The following TBCD variants were observed in gnomAD, a reference collection of about 807,000 sequenced individuals.
TBCD encodes the protein tubulin-specific chaperone D.
In TBCD, 105 loss-of-function variants were observed where a neutral mutation model predicts 169.3. The observed-to-expected ratio is 0.62, with a 90% CI of 0.53 to 0.73. The LOEUF is 0.73. TBCD is among the 30% of genes least tolerant of loss of function. The pLI is 0.00. For synonymous variants in TBCD, 700 were observed against 643.9 expected, an observed-to-expected ratio of 1.09 and a Z score of -1.32; for missense variants, 1,444 against 1,600.1, an observed-to-expected ratio of 0.90 and a Z score of 1.66.
chr17:82,891,164 A>G (rs2059111040), intron 16 of TBCD, among the ~76,000 whole-genome samples: 1 of 152,240 alleles, frequency 6.6e-6, no homozygotes, highest in Non-Finnish European at 1.5e-5. Context: ...ATAGGGAGCC[A>G]CGGGGCCCTG....
chr17:82,932,907 C>T (rs749592384), intron 34 of TBCD, 172 bp downstream of exon 34: 21 of 635,282 alleles, frequency 3.3e-5, no homozygotes, highest in East Asian at 1.1e-4. Flanking sequence ...CTCAAAATAA[C>T]GCAATAATAA....
Position 82,832,705 on chromosome 17 carries a change from G to T in TBCD, c.1318+17771G>T, listed in dbSNP as rs952330553. 3.7e-6 allele frequency: 2 copies of T among 540,764 alleles called. No homozygotes were observed. The highest frequency in any genetic ancestry group is 6.3e-5 in the Admixed American group (2 of 31,864). 33.5% of individuals were successfully genotyped at this position (540,764 alleles called of 1,614,324 possible). A position where few individuals can be genotyped will look rare whatever the true frequency, so the allele number is the denominator to read the frequency against. On this transcript the variant is annotated intron_variant, in intron 13 of 38. Coordinates refer to ENST00000355528, the MANE Select transcript of TBCD (RefSeq NM_005993.5). The surrounding 1 kb of genome is among the most constrained non-coding windows in gnomAD (Gnocchi z 4.9). ...GTCGGCGAGAAGCCGGCCTCGGCTC[G>T]CCACAGTGCCACAGGATCCCTGAAG...
chr17:82,772,193 G>T (rs2048345607), intron 5 of TBCD, among the ~76,000 whole-genome samples: 1 of 152,182 alleles, frequency 6.6e-6, no homozygotes, highest in Non-Finnish European at 1.5e-5. Flanking sequence ...TCTTGCAAAT[G>T]TGTGTTTCAA....
At chr17:82,841,752 G>A (rs917326574) in intron 13 of TBCD, among the ~76,000 whole-genome samples, 1 of 152,192 alleles carries the variant, frequency 6.6e-6, no homozygotes, top group Non-Finnish European at 1.5e-5. Context: ...GCCTGGCCGA[G>A]TGCTGCTTCT....
At chr17:82,872,865 T>C (rs944117752) in intron 14 of TBCD, among the ~76,000 whole-genome samples, 1 of 152,148 alleles carries the variant, frequency 6.6e-6, no homozygotes, top group East Asian at 1.9e-4. Flanking sequence ...CGAAGGCTTC[T>C]GAGCCAGGCC....
In TBCD at chr17:82,944,701, G is replaced by C. The variant is rs929161766; in HGVS notation, c.*2238G>C. On this transcript the variant is annotated 3_prime_UTR_variant, in exon 39 of 39. Transcript: ENST00000355528. Reference sequence around the variant, plus strand: ...GGACCGGGGAGCTGATGTGGGATTTGTGTACCCACAAACACGTTCTAGGTG... The same window carrying C: ...GGACCGGGGAGCTGATGTGGGATTTCTGTACCCACAAACACGTTCTAGGTG... 2.6e-5 allele frequency: 4 copies of C among 152,178 alleles called. No individual in the cohort carries two copies. Among genetic ancestry groups the C allele is most frequent in the African/African-American group, 9.7e-5 (4 of 41,426 alleles). 9.4% of individuals were successfully genotyped at this position (152,178 alleles called of 1,614,324 possible).
At chr17:82,780,017 G>A (rs1458398710) in intron 6 of TBCD, among the ~76,000 whole-genome samples, 2 of 152,180 alleles carry the variant, frequency 1.3e-5, no homozygotes, top group Admixed American at 6.5e-5. Flanking sequence ...TAAAGGTGTG[G>A]CTAGGATGCC....
chr17:82,828,054 C>G (rs896334917), intron 13 of TBCD, among the ~76,000 whole-genome samples: 3 of 151,062 alleles, frequency 2.0e-5, no homozygotes, highest in African/African-American at 7.3e-5. Flanking sequence ...TGCATACACC[C>G]ACAGATACGC....
rs543896633 is a variant in TBCD at position 82,787,990 on chromosome 17, G to A, written c.771+6269G>A. Among the ~76,000 whole-genome samples the A allele has an allele frequency of 9.9e-4, 151 of 152,276 alleles. 1 individual carries two copies. The highest frequency in any genetic ancestry group is 3.5e-3 in the African/African-American group (146 of 41,552). On this transcript the variant is annotated intron_variant, in intron 7 of 38. Transcript: ENST00000355528. Reference sequence around the variant, plus strand: ...AGTGGCTCATGCCGGTAATCCCAGCGCTTTGGGAGGCCGAGGCAGGTGGAT... The same window carrying A: ...AGTGGCTCATGCCGGTAATCCCAGCACTTTGGGAGGCCGAGGCAGGTGGAT...
At chr17:82,815,577 A>G (rs1051007875) in intron 13 of TBCD, among the ~76,000 whole-genome samples, 1 of 152,244 alleles carries the variant, frequency 6.6e-6, no homozygotes, top group African/African-American at 2.4e-5. Context: ...CCGTGGCCAC[A>G]CGCAGCCCTG....
intron 18 of TBCD, among the ~76,000 whole-genome samples, chr17:82,902,752 G>A (rs1599389542): frequency 6.6e-6 from 1 of 152,212 alleles, no homozygotes; most frequent in Non-Finnish European, 1.5e-5. Flanking sequence ...CTTCTTTGTT[G>A]TTACATGGTC....
intron 23 of TBCD, among the ~76,000 whole-genome samples, chr17:82,916,017 C>G (rs1451228045): frequency 6.6e-6 from 1 of 152,192 alleles, no homozygotes; most frequent in African/African-American, 2.4e-5. Context: ...CACAGGAGTT[C>G]ATTCGGATTT....
rs1298408116 is a variant in TBCD, at chr17:82,923,666, G to A, written c.2193G>A (p.Ser731=). 8.8e-6 allele frequency: 14 copies of A among 1,584,084 alleles called. No homozygotes were observed. Among genetic ancestry groups the A allele is most frequent in the Admixed American group, 3.6e-5 (2 of 55,722 alleles). The part of the protein sequence containing the change: ...SRQQMKDAAV[S]ALAALCSEYY... Reference sequence around the variant, plus strand: ...CTTTGTTTTAGGATGCAGCAGTCTCGGCCCTGGCTGCTCTATGCAGTGAAT... The same window carrying A: ...CTTTGTTTTAGGATGCAGCAGTCTCAGCCCTGGCTGCTCTATGCAGTGAAT... Residue 731 remains serine (S), a synonymous_variant, in exon 26 of 39, where the codon TCG becomes TCA. Coordinates refer to ENST00000355528, the MANE Select transcript of TBCD (RefSeq NM_005993.5). This position sits in a 1 kb window ranked among gnomAD's most constrained non-coding sequence, Gnocchi z 4.6.
intron 8 of TBCD, among the ~76,000 whole-genome samples, chr17:82,799,240 C>G (rs960175918): frequency 2.0e-5 from 3 of 151,718 alleles, no homozygotes; most frequent in African/African-American, 7.3e-5. Context: ...GTCAGGAGAT[C>G]GAGACCAGCC....
At chr17:82,882,729 A>T (rs1222486751) in intron 14 of TBCD, among the ~76,000 whole-genome samples, 1 of 151,990 alleles carries the variant, frequency 6.6e-6, no homozygotes, top group Non-Finnish European at 1.5e-5. Flanking sequence ...AGCGTGAGAC[A>T]CAGGAGAACA....
intron 14 of TBCD, among the ~76,000 whole-genome samples, chr17:82,883,833 C>A (rs2058541648): frequency 6.6e-6 from 1 of 152,260 alleles, no homozygotes; most frequent in Non-Finnish European, 1.5e-5. Flanking sequence ...CCCACCACAG[C>A]AGGCCAGGTG....
intron 13 of TBCD, among the ~76,000 whole-genome samples, chr17:82,847,197 C>CA (rs1237277940): frequency 1.3e-5 from 2 of 151,410 alleles, no homozygotes; most frequent in African/African-American, 2.4e-5. Flanking sequence ...TAAAAATACA[C>CA]AAAAAATTAG....
intron 13 of TBCD, among the ~76,000 whole-genome samples, chr17:82,839,516 A>G (rs2054284301): frequency 6.6e-6 from 1 of 151,574 alleles, no homozygotes; most frequent in Admixed American, 6.6e-5. Flanking sequence ...TAATGTACAT[A>G]CACCACACAT....
chr17:82,854,690 G>GT (rs2056103206), intron 13 of TBCD, among the ~76,000 whole-genome samples: 1 of 152,252 alleles, frequency 6.6e-6, no homozygotes, highest in Non-Finnish European at 1.5e-5. Flanking sequence ...GGGCAGCAGT[G>GT]TAAGAGCACG....
Sources: allele counts gnomAD v4.1 joint callset (sites outside exome capture counted in the v4.1 genomes callset), GRCh38; gene constraint gnomAD v4.1.1; non-coding constraint Gnocchi (gnomAD v3.1); transcripts MANE v1.5; gene names NCBI Gene and HGNC (gene_info 2026-07-23, HGNC 2026-07-21).